The following TRPM2 variants were observed in gnomAD, a reference collection of about 807,000 sequenced individuals.
TRPM2 encodes the protein estrogen-responsive element-associated gene 1 protein.
A neutral mutation model predicts 174.0 loss-of-function variants in TRPM2; 161 were observed. The ratio of observed to expected loss-of-function variants is 0.93; its 90% CI spans 0.81 to 1.05. The LOEUF (loss-of-function observed/expected upper bound fraction) is 1.05. TRPM2 is among the 50% of genes least tolerant of loss of function. TRPM2 has a pLI of 0.00. For synonymous variants in TRPM2, 954 were observed against 861.3 expected (o/e 1.11, Z -1.88); for missense variants, 2,057 against 2,038.0 (o/e 1.01, Z -0.18).
upstream of TRPM2, among the ~76,000 whole-genome samples, chr21:44,350,675 G>A (rs2122996132): frequency 6.9e-6 from 1 of 145,810 alleles, no homozygotes. Flanking sequence ...GTGCGGTGGG[G>A]TGCAGGGGCG....
At chr21:44,368,438 T>G (rs1475010793) in intron 4 of TRPM2, among the ~76,000 whole-genome samples, 1 of 145,778 alleles carries the variant, frequency 6.9e-6, no homozygotes, top group Non-Finnish European at 1.5e-5. Flanking sequence ...TTTTGTTTTT[T>G]TTTTGGAGTT....
chr21:44,418,221 C>A, intron 21 of TRPM2, 113 bp downstream of exon 21: 2 of 1,430,460 alleles, frequency 1.4e-6, no homozygotes, highest in South Asian at 1.3e-5. Context: ...GCGTGCAGGT[C>A]ACTCAGGCTG....
chr21:44,422,609 C>A (rs577637747), intron 22 of TRPM2, among the ~76,000 whole-genome samples: 4 of 152,114 alleles, frequency 2.6e-5, no homozygotes, highest in African/African-American at 4.8e-5. Flanking sequence ...TTGCAGTGGG[C>A]GCTGTGGATG....
At chr21:44,397,455 A>T (rs2049463950) in intron 12 of TRPM2, among the ~76,000 whole-genome samples, 1 of 152,072 alleles carries the variant, frequency 6.6e-6, no homozygotes, top group Admixed American at 6.6e-5. Flanking sequence ...TGCAGCTCAC[A>T]CGGGTTCCGA....
At chr21:44,414,285 T>A (rs980861083) in intron 20 of TRPM2, among the ~76,000 whole-genome samples, 2 of 152,202 alleles carry the variant, frequency 1.3e-5, no homozygotes, top group African/African-American at 4.8e-5. Flanking sequence ...TCTCTTGAGC[T>A]GGCGTGGGTC....
Position 44,401,688 on chromosome 21 carries a change from A to G in TRPM2, c.2329A>G (p.Arg777Gly), listed in dbSNP as rs141034962. 1.9e-6 allele frequency: 3 copies of G among 1,612,578 alleles called. No homozygotes were observed. The African/African-American group carries it at 4.0e-5, about 22-fold the overall frequency. Residue 777 changes from arginine (R) to glycine (G), a missense_variant, in exon 16 of 32, where the codon AGG becomes GGG. Coordinates refer to ENST00000397928, the MANE Select transcript of TRPM2 (RefSeq NM_003307.4). ...LTGLISFREK[R>G]LQDVGTPAAR... ...CTGCTGTGACGGCCGCAGGGAGAAG[A>G]GGCTGCAGGATGTGGGCACCCCCGC...
chr21:44,389,402 T>G (rs943907831), intron 9 of TRPM2, among the ~76,000 whole-genome samples: 2 of 152,226 alleles, frequency 1.3e-5, no homozygotes, highest in Non-Finnish European at 2.9e-5. Flanking sequence ...TCATTTCTCC[T>G]GGGTCAATAT....
In TRPM2 at chr21:44,406,725, C is replaced by T; in HGVS notation, c.2922C>T (p.Ser974=). Residue 974 remains serine (S), a synonymous_variant, in exon 19 of 32, where the codon TCC becomes TCT. Coordinates refer to ENST00000397928, the MANE Select transcript of TRPM2 (RefSeq NM_003307.4). The part of the protein sequence containing the change: ...DWLFRGAVYH[S]YLTIFGQIPG... ...TGTTCCGAGGGGCCGTCTACCACTC[C>T]TACCTCACCATCTTCGGGCAGATCC... 1 of 1,608,188 alleles carries T rather than the reference C, an allele frequency of 6.2e-7. No homozygotes were observed. Among genetic ancestry groups the T allele is most frequent in the Non-Finnish European group, 8.5e-7 (1 of 1,178,882 alleles).
intron 17 of TRPM2, 108 bp downstream of exon 17, chr21:44,405,368 C>T: frequency 2.0e-6 from 3 of 1,498,976 alleles, no homozygotes; most frequent in Non-Finnish European, 2.7e-6. Flanking sequence ...CTCAGCTCGT[C>T]TGTGAACCCT....
intron 19 of TRPM2, among the ~76,000 whole-genome samples, chr21:44,407,304 T>C (rs1356585071): frequency 6.7e-6 from 1 of 148,666 alleles, no homozygotes; most frequent in African/African-American, 2.5e-5. Flanking sequence ...TTTTGTATTT[T>C]TTGTAGAGAT....
At chr21:44,388,750 C>T (rs1019461159) in intron 9 of TRPM2, among the ~76,000 whole-genome samples, 18 of 151,462 alleles carry the variant, frequency 1.2e-4, no homozygotes, top group African/African-American at 2.9e-4. Context: ...GAGCCCAGGA[C>T]GTTGAGGCTG....
Position 44,438,186 on chromosome 21 carries a change from G to A in TRPM2, c.4168-881G>A, listed in dbSNP as rs2051350359. On this transcript the variant is annotated intron_variant, in intron 29 of 31. Coordinates refer to ENST00000397928, the MANE Select transcript of TRPM2 (RefSeq NM_003307.4). This position sits in a 1 kb window ranked among gnomAD's most constrained non-coding sequence, Gnocchi z 5.9. The stretch of plus-strand genomic sequence containing the variant: ...AGCTGGAACCACCCCCGCAGCAGAG[G>A]GGGCCTTTGGCCTTGGGGTCCCCTT... Among the ~76,000 whole-genome samples the A allele has an allele frequency of 6.6e-6, 1 of 152,246 alleles. No individual in the cohort carries two copies. The highest frequency in any genetic ancestry group is 6.5e-5 in the Admixed American group (1 of 15,286).
At chr21:44,434,014 G>A (rs1032423014) in intron 27 of TRPM2, among the ~76,000 whole-genome samples, 1 of 152,162 alleles carries the variant, frequency 6.6e-6, no homozygotes, top group Non-Finnish European at 1.5e-5. Context: ...GCTGGTGGCC[G>A]CCGGTGCTAG....
chr21:44,406,523 T>C, intron 18 of TRPM2, 71 bp from the exon 19 acceptor site: 5 of 1,516,876 alleles, frequency 3.3e-6, no homozygotes, highest in Non-Finnish European at 4.4e-6. Context: ...CCACCGCTGC[T>C]GGGCCTGCCT....
chr21:44,377,043 A>T (rs1339850704), intron 6 of TRPM2, among the ~76,000 whole-genome samples: 5 of 151,512 alleles, frequency 3.3e-5, no homozygotes, highest in African/African-American at 1.2e-4. Context: ...TAGTAGGAGC[A>T]CGTTCCCTGG....
chr21:44,363,319 C>A (rs746954621), intron 2 of TRPM2, among the ~76,000 whole-genome samples: 1 of 152,140 alleles, frequency 6.6e-6, no homozygotes, highest in East Asian at 1.9e-4. Flanking sequence ...TATAGTGCTG[C>A]AGGTCCCAGA....
In TRPM2 at chr21:44,367,272, C is replaced by T. The variant is rs1411815864; in HGVS notation, c.604+338C>T. Among the ~76,000 whole-genome samples, 2 of 151,900 alleles carry T rather than the reference C, an allele frequency of 1.3e-5. No homozygotes were observed. Among genetic ancestry groups the T allele is most frequent in the Non-Finnish European group, 2.9e-5 (2 of 67,954 alleles). On this transcript the variant is annotated intron_variant, in intron 4 of 31. Coordinates refer to ENST00000397928, the MANE Select transcript of TRPM2 (RefSeq NM_003307.4). This position sits in a 1 kb window ranked among gnomAD's most constrained non-coding sequence, Gnocchi z 4.6. ...CTCGGTGGCCTGAGAACCTTGGTGG[C>T]CTGGGAATCTTGGTGGCCTGAGAAC...
At position 44,435,199 on chromosome 21, in the gene TRPM2, T is replaced by C. The variant is rs752830449; in HGVS notation, c.4043T>C (p.Leu1348Pro). 9 of 1,613,240 alleles carry C rather than the reference T, an allele frequency of 5.6e-6. No individual in the cohort carries two copies. The highest frequency in any genetic ancestry group is 1.1e-5 in the South Asian group (1 of 91,070). ...SLSCFGPNHT[L>P]YPMVTRWRRN... Reference sequence around the variant, plus strand: ...AGCTGCTTCGGACCCAACCACACGCTGTACCCCATGGTCACGCGGTGAGTT... The same window carrying C: ...AGCTGCTTCGGACCCAACCACACGCCGTACCCCATGGTCACGCGGTGAGTT... Residue 1348 changes from leucine (L) to proline (P), a missense_variant, in exon 28 of 32, where the codon CTG becomes CCG. Leu to Pro is a moderately conservative substitution (Grantham distance 98). Transcript: ENST00000397928.
intron 8 of TRPM2, among the ~76,000 whole-genome samples, chr21:44,379,468 G>A (rs1011048988): frequency 6.6e-6 from 1 of 152,250 alleles, no homozygotes; most frequent in Non-Finnish European, 1.5e-5. Flanking sequence ...GCTCAGTGGT[G>A]CTGTGAAAAG....
Sources: allele counts gnomAD v4.1 joint callset (sites outside exome capture counted in the v4.1 genomes callset), GRCh38; gene constraint gnomAD v4.1.1; non-coding constraint Gnocchi (gnomAD v3.1); transcripts MANE v1.5; gene names NCBI Gene and HGNC (gene_info 2026-07-23, HGNC 2026-07-21).